Variants in CDS2 observed in about 807,000 individuals in gnomAD.
The protein encoded by CDS2 is CDP-diacylglycerol synthase 2.
CDS2 carries 47 observed loss-of-function variants against 59.0 expected under a neutral mutation model. The observed-to-expected ratio is 0.80, with a 90% CI of 0.63 to 1.02. The LOEUF is 1.02. Among genes scored for constraint, CDS2 ranks in the 50% least tolerant of loss-of-function variants. The pLI, the probability that CDS2 is intolerant of heterozygous loss-of-function variation, is 0.00. For synonymous variants in CDS2, 207 were observed against 206.4 expected (o/e 1.00, Z -0.02); for missense variants, 356 against 558.9 (o/e 0.64, Z 3.66).
chr20:5,155,988 C>T (rs2090830869), intron 1 of CDS2, among the ~76,000 whole-genome samples: 1 of 151,928 alleles, frequency 6.6e-6, no homozygotes, highest in Non-Finnish European at 1.5e-5. Context: ...TTGTGGAGGA[C>T]CTCGAATGGG....
At chr20:5,143,931 A>G (rs2090717966) in intron 1 of CDS2, among the ~76,000 whole-genome samples, 1 of 151,420 alleles carries the variant, frequency 6.6e-6, no homozygotes, top group African/African-American at 2.4e-5. Flanking sequence ...TGCTCTGCTA[A>G]TTTTTGTATT....
chr20:5,138,898 T>G (rs1210288419), intron 1 of CDS2, among the ~76,000 whole-genome samples: 1 of 152,132 alleles, frequency 6.6e-6, no homozygotes, highest in Non-Finnish European at 1.5e-5. Context: ...AGATATTTTT[T>G]AAATCCTGAA....
At chr20:5,146,481 G>T (rs908281796) in intron 1 of CDS2, among the ~76,000 whole-genome samples, 6 of 152,192 alleles carry the variant, frequency 3.9e-5, no homozygotes, top group African/African-American at 1.4e-4. Flanking sequence ...GTAAGGAGAC[G>T]TGGTTTATCC....
At chr20:5,189,661 G>T in intron 11 of CDS2, 74 bp from the exon 12 acceptor site, 1 of 1,047,654 alleles carries the variant, frequency 9.5e-7, no homozygotes, top group Non-Finnish European at 1.5e-6. Flanking sequence ...GCCTGACATT[G>T]GGGTGGGACC....
intron 1 of CDS2, among the ~76,000 whole-genome samples, chr20:5,130,991 TGA>T (rs1467465562): frequency 2.7e-5 from 4 of 147,610 alleles, no homozygotes; most frequent in African/African-American, 1.0e-4. Flanking sequence ...CTCGGAAGGC[TGA>T]GAGGCAGGAG....
chr20:5,141,920 C>T (rs115353830), intron 1 of CDS2, among the ~76,000 whole-genome samples: 14 of 151,950 alleles, frequency 9.2e-5, no homozygotes, highest in East Asian at 1.9e-4. Context: ...GGAAAAAAAA[C>T]GAGTTTGAGT....
chr20:5,158,681 C>T (rs66861754), intron 1 of CDS2, among the ~76,000 whole-genome samples: 11,150 of 152,216 alleles, frequency 0.073, 468 homozygotes, highest in Middle Eastern at 0.16. Context: ...CCACTATGTA[C>T]CCCAGTTTCT....
intron 1 of CDS2, among the ~76,000 whole-genome samples, chr20:5,173,114 A>G (rs2090968445): frequency 6.6e-6 from 1 of 152,254 alleles, no homozygotes; most frequent in Admixed American, 6.5e-5. Flanking sequence ...TACAGGGGCA[A>G]CAGCCTCACC....
intron 1 of CDS2, among the ~76,000 whole-genome samples, chr20:5,155,588 T>C (rs1219639100): frequency 6.6e-6 from 1 of 152,228 alleles, no homozygotes; most frequent in Non-Finnish European, 1.5e-5. Flanking sequence ...TTCACATTGC[T>C]CTCTCCTCTG....
intron 1 of CDS2, among the ~76,000 whole-genome samples, chr20:5,163,624 TTTTG>T (rs1466129985): frequency 5.9e-5 from 9 of 152,290 alleles, no homozygotes; most frequent in Admixed American, 2.0e-4. Flanking sequence ...TTAAATCACT[TTTTG>T]TTTATTATTT....
Position 5,190,104 on chromosome 20 carries a change from G to GC in CDS2, c.1211dup (p.Asn405Ter). The GC allele has an allele frequency of 6.2e-7, 1 of 1,613,926 alleles. No homozygotes were observed. Among genetic ancestry groups the GC allele is most frequent in the Non-Finnish European group, 8.5e-7 (1 of 1,179,838 alleles). On this transcript the variant is annotated frameshift_variant, in exon 13 of 13. Coordinates refer to ENST00000460006, the MANE Select transcript of CDS2 (RefSeq NM_003818.4). LOFTEE classifies it high-confidence loss of function. ...TGTTTCTTCACATTCTGTTCCAGAG[G>GC]CCCTAACCCAAGCAAACTGATTCAG...
At chr20:5,149,170 A>G (rs1291302093) in intron 1 of CDS2, among the ~76,000 whole-genome samples, 1 of 152,130 alleles carries the variant, frequency 6.6e-6, no homozygotes, top group Non-Finnish European at 1.5e-5. Flanking sequence ...AGTATAGTAT[A>G]CTAGTTTTCT....
chr20:5,164,705 G>A (rs188162551), intron 1 of CDS2, among the ~76,000 whole-genome samples: 5 of 151,972 alleles, frequency 3.3e-5, no homozygotes, highest in African/African-American at 4.8e-5. Context: ...AGAGATGCCC[G>A]ACTAAGGAAC....
intron 10 of CDS2, chr20:5,187,697 A>G (rs2091079771): frequency 6.6e-6 from 1 of 152,038 alleles, no homozygotes. Context: ...CCTGGGTAAC[A>G]TGGCGAAACC....
chr20:5,136,120 C>T (rs2090647780), intron 1 of CDS2, among the ~76,000 whole-genome samples: 1 of 152,176 alleles, frequency 6.6e-6, no homozygotes, highest in Admixed American at 6.5e-5. Context: ...CTGCCATTGA[C>T]ACCGAACCCC....
In CDS2 at chr20:5,191,470, G is replaced by A. The variant is rs1400211706; in HGVS notation, c.*1236G>A. On this transcript the variant is annotated 3_prime_UTR_variant, in exon 13 of 13. Transcript: ENST00000460006. Reference sequence around the variant, plus strand: ...AGATTGACTTTGGGAAGACAGATTAGTTCTTTGTCAGGCCAACAAGTGATG... The same window carrying A: ...AGATTGACTTTGGGAAGACAGATTAATTCTTTGTCAGGCCAACAAGTGATG... The A allele has an allele frequency of 2.0e-5, 3 of 152,120 alleles. No individual in the cohort carries two copies. Among genetic ancestry groups the A allele is most frequent in the African/African-American group, 7.2e-5 (3 of 41,408 alleles). The allele number at this position is 152,120 out of a possible 1,614,324, so 9.4% of individuals were successfully genotyped here.
intron 1 of CDS2, chr20:5,168,563 C>T (rs1366303363): frequency 1.9e-6 from 1 of 516,016 alleles, no homozygotes; most frequent in Non-Finnish European, 3.9e-6. Flanking sequence ...AAACACTGAC[C>T]ATCACTACTT....
intron 10 of CDS2, among the ~76,000 whole-genome samples, chr20:5,188,842 C>T (rs1315964119): frequency 1.3e-5 from 2 of 152,122 alleles, no homozygotes; most frequent in Non-Finnish European, 2.9e-5. Flanking sequence ...CAACCCATTC[C>T]CTCGGGATGC....
Position 5,194,727 on chromosome 20 carries a change from T to G in CDS2, c.*4493T>G, listed in dbSNP as rs192047611. 1 of 152,276 alleles carries G rather than the reference T, an allele frequency of 6.6e-6. No homozygotes were observed. The highest frequency in any genetic ancestry group is 6.5e-5 in the Admixed American group (1 of 15,282). The allele number at this position is 152,276 out of a possible 1,614,324, so 9.4% of individuals were successfully genotyped here. A position where few individuals can be genotyped will look rare whatever the true frequency, so the allele number is the denominator to read the frequency against. ...TTTTTTGTCCAGTGGGTTTCAAATT[T>G]GTTGGCTGTTTAAAGACCCTGTCTC... On this transcript the variant is annotated 3_prime_UTR_variant, in exon 13 of 13. Coordinates refer to ENST00000460006, the MANE Select transcript of CDS2 (RefSeq NM_003818.4).
Sources: gnomAD v4.1 joint callset for allele counts (sites outside exome capture counted in the v4.1 genomes callset) on GRCh38, gnomAD v4.1.1 for gene constraint, MANE v1.5 for transcripts, NCBI Gene and HGNC (gene_info 2026-07-23, HGNC 2026-07-21) for gene names.